The following RFX1 variants were observed in gnomAD, a reference collection of about 807,000 sequenced individuals.
The protein encoded by RFX1 is regulatory factor X1.
In RFX1, 42 loss-of-function variants were observed where a neutral mutation model predicts 119.6. That is an observed-to-expected ratio of 0.35 (90% CI 0.27 to 0.45). RFX1 has a LOEUF of 0.45. RFX1 is among the 20% of genes least tolerant of loss of function. RFX1 has a pLI of 1.00. For missense variants in RFX1, 1,118 were observed against 1,368.1 expected, an observed-to-expected ratio of 0.82 and a Z score of 2.88; for synonymous variants, 628 against 618.5, an observed-to-expected ratio of 1.02 and a Z score of -0.23.
intron 2 of RFX1, among the ~76,000 whole-genome samples, chr19:13,984,337 T>C (rs1002734212): frequency 3.0e-4 from 45 of 151,690 alleles, no homozygotes; most frequent in Non-Finnish European, 6.0e-4. Context: ...CCCACGACCT[T>C]GGGGCGCTAA....
chr19:13,963,354 C>T, intron 18 of RFX1, 79 bp from the exon 19 acceptor site: 3 of 1,501,918 alleles, frequency 2.0e-6, no homozygotes, highest in South Asian at 1.2e-5. Flanking sequence ...GCGATGCGCC[C>T]GGGCCTCGCG....
At chr19:13,999,595 T>A (rs1231777536) in intron 1 of RFX1, among the ~76,000 whole-genome samples, 2 of 152,200 alleles carry the variant, frequency 1.3e-5, no homozygotes, top group African/African-American at 4.8e-5. Context: ...TCCAATAATT[T>A]AAAAATGTAA....
chr19:13,994,893 CATAT>C (rs566150731), intron 1 of RFX1, among the ~76,000 whole-genome samples: 5,031 of 57,818 alleles, frequency 0.087, 196 homozygotes, highest in Non-Finnish European at 0.1. Flanking sequence ...AATATACATA[CATAT>C]ATATATATAT....
chr19:13,979,616 G>A (rs1974366598), intron 6 of RFX1, 74 bp from the exon 7 acceptor site: 4 of 1,057,938 alleles, frequency 3.8e-6, no homozygotes, highest in Admixed American at 2.3e-5. Flanking sequence ...CTGCACAGGT[G>A]AGCTTCTGTA....
Position 13,965,564 on chromosome 19 carries a change from G to A in RFX1, c.2114-18C>T. 1 of 1,613,166 alleles carries A rather than the reference G, an allele frequency of 6.2e-7. No homozygotes were observed. The highest frequency in any genetic ancestry group is 8.5e-7 in the Non-Finnish European group (1 of 1,179,850). The stretch of plus-strand genomic sequence containing the variant: ...CAAGGCACCTGTGGGCGGTGGCGGG[G>A]GTCGGTCAGGGCAGGGCGGGTGTAT... On this transcript the variant is annotated intron_variant, in intron 15 of 20. Coordinates refer to ENST00000254325, the MANE Select transcript of RFX1 (RefSeq NM_002918.5). This position sits in a 1 kb window ranked among gnomAD's most constrained non-coding sequence, Gnocchi z 4.7.
chr19:13,965,161 TCTAAAGGGAA>T lies in RFX1; in HGVS notation c.2211+278_2211+287del, dbSNP rs1973853250. Among the ~76,000 whole-genome samples the T allele has an allele frequency of 6.6e-6, 1 of 152,248 alleles. No homozygotes were observed. Among genetic ancestry groups the T allele is most frequent in the African/African-American group, 2.4e-5 (1 of 41,468 alleles). The stretch of plus-strand genomic sequence containing the variant: ...CCTGAAGCACTTTCTAGCAAGGCTG[TCTAAAGGGAA>T]CTACTGTACATTTGCAGTTGGTTTT... On this transcript the variant is annotated intron_variant, in intron 16 of 20. Coordinates refer to ENST00000254325, the MANE Select transcript of RFX1 (RefSeq NM_002918.5). This position sits in a 1 kb window ranked among gnomAD's most constrained non-coding sequence, Gnocchi z 4.7.
intron 2 of RFX1, among the ~76,000 whole-genome samples, chr19:13,989,640 CG>C (rs1974737669): frequency 6.6e-6 from 1 of 152,026 alleles, no homozygotes. Flanking sequence ...TGTCAGGTAT[CG>C]GGGGAGGGGA....
intron 8 of RFX1, among the ~76,000 whole-genome samples, chr19:13,976,138 G>A (rs1974248190): frequency 6.6e-6 from 1 of 152,218 alleles, no homozygotes; most frequent in Admixed American, 6.5e-5. Context: ...GCACTGGAAA[G>A]AAACAAATGG....
rs529529970 is a variant in RFX1 at position 13,979,850 on chromosome 19, C to A, written c.739-308G>T. Among the ~76,000 whole-genome samples, 6 of 152,260 alleles carry A rather than the reference C, an allele frequency of 3.9e-5. No homozygotes were observed. In the East Asian group the frequency reaches 1.2e-3, roughly 29 times the overall value. On this transcript the variant is annotated intron_variant, in intron 6 of 20. Coordinates refer to ENST00000254325, the MANE Select transcript of RFX1 (RefSeq NM_002918.5). ...CTTGGGTTATCTTTCGTCCCCACAC[C>A]CCCCAATGTCAACTGTGTGCCCTGT...
intron 16 of RFX1, among the ~76,000 whole-genome samples, chr19:13,964,386 C>A (rs1268318839): frequency 6.9e-6 from 1 of 144,248 alleles, no homozygotes; most frequent in African/African-American, 2.8e-5. Flanking sequence ...CCAGGAAAGG[C>A]CTTTTTTTTT....
chr19:13,969,928 T>TGGGG lies in RFX1; in HGVS notation c.1496+62_1496+65dup. ...CTGGACTGCCTGAGATGACTCGGAG[T>TGGGG]GGGGGTGGGCCTTGGCATGCCCACC... On this transcript the variant is annotated intron_variant, in intron 10 of 20. Coordinates refer to ENST00000254325, the MANE Select transcript of RFX1 (RefSeq NM_002918.5). The surrounding 1 kb of genome is among the most constrained non-coding windows in gnomAD (Gnocchi z 4.5). 1 of 1,488,608 alleles carries TGGGG rather than the reference T, an allele frequency of 6.7e-7. No homozygotes were observed. Among genetic ancestry groups the TGGGG allele is most frequent in the Non-Finnish European group, 9.1e-7 (1 of 1,102,178 alleles). 92.2% of individuals were successfully genotyped at this position (1,488,608 alleles called of 1,614,324 possible). A position where few individuals can be genotyped will look rare whatever the true frequency, so the allele number is the denominator to read the frequency against.
chr19:13,979,527 C>T lies in RFX1; in HGVS notation c.754G>A (p.Ala252Thr), dbSNP rs1470587278. 5 of 1,594,910 alleles carry T rather than the reference C, an allele frequency of 3.1e-6. No homozygotes were observed. Among genetic ancestry groups the T allele is most frequent in the African/African-American group, 2.7e-5 (2 of 74,050 alleles). ...CCGGGTTTGGGCGCTTGTGGAGTGGCCTGGACCACAGATCTCTGGGAGGGG... is the reference window on the plus strand; with the variant it reads ...CCGGGTTTGGGCGCTTGTGGAGTGGTCTGGACCACAGATCTCTGGGAGGGG... Reference protein sequence around the residue: ...PVTQERSVVQATPQAPKPGPV... With the variant: ...PVTQERSVVQTTPQAPKPGPV... The change falls in exon 7 of 21, where the codon GCC (alanine) becomes ACC (threonine). Residue 252 changes from alanine to threonine, a missense_variant. Around this residue, in one of 5 missense-constraint regions of RFX1, gnomAD observed 542 missense variants for 602.7 expected, o/e 0.90. Transcript: ENST00000254325.
intron 8 of RFX1, among the ~76,000 whole-genome samples, chr19:13,974,768 G>A (rs1974202744): frequency 1.3e-5 from 2 of 152,184 alleles, no homozygotes; most frequent in South Asian, 2.1e-4. Context: ...CATTAGGCCA[G>A]GTGCAGTGTA....
intron 1 of RFX1, among the ~76,000 whole-genome samples, chr19:14,004,344 C>A (rs1171947697): frequency 6.6e-6 from 1 of 152,200 alleles, no homozygotes; most frequent in Non-Finnish European, 1.5e-5. Context: ...CCCGTCTCTA[C>A]TAAAAATACG....
chr19:13,972,618 C>T (rs935430571), intron 9 of RFX1, 125 bp downstream of exon 9: 4 of 687,596 alleles, frequency 5.8e-6, no homozygotes, highest in Non-Finnish European at 9.6e-6. Flanking sequence ...TGCATATGTT[C>T]TCTTCATTGG....
At chr19:13,987,145 G>A (rs144327608) in intron 2 of RFX1, among the ~76,000 whole-genome samples, 7 of 152,306 alleles carry the variant, frequency 4.6e-5, no homozygotes, top group African/African-American at 9.6e-5. Flanking sequence ...CCCCTCCTTC[G>A]GGGCGGCCCC....
chr19:13,993,589 C>T lies in RFX1; in HGVS notation c.255G>A (p.Ser85=), dbSNP rs756666381. Residue 85 remains serine, a synonymous_variant, in exon 2 of 21, where the codon TCG becomes TCA. Transcript: ENST00000254325. ...VTELPAVPAP[S]QPTGAPTPSP... ...AAGGGGTGGGTGCACCGGTTGGCTG[C>T]GAGGGTGCGGGTACAGCCGGGAGCT... The T allele has an allele frequency of 3.6e-5, 58 of 1,612,218 alleles. No homozygotes were observed. The highest frequency in any genetic ancestry group is 4.8e-5 in the Non-Finnish European group (57 of 1,179,304).
intron 2 of RFX1, among the ~76,000 whole-genome samples, chr19:13,987,341 G>A (rs1974635154): frequency 6.6e-6 from 1 of 152,160 alleles, no homozygotes; most frequent in Non-Finnish European, 1.5e-5. Flanking sequence ...GTCACCTTTA[G>A]GCAGGGCAGG....
In RFX1 at chr19:13,980,736, C is replaced by CCTCTCTGGGGTGGGCTCGCATT; in HGVS notation, c.622-48_622-47insAATGCGAGCCCACCCCAGAGAG. On this transcript the variant is annotated intron_variant, in intron 5 of 20. Coordinates refer to ENST00000254325, the MANE Select transcript of RFX1 (RefSeq NM_002918.5). This position sits in a 1 kb window ranked among gnomAD's most constrained non-coding sequence, Gnocchi z 5.1. ...GAGTGCCGCTGGGGTGGGCTTGCAT[C>CCTCTCTGGGGTGGGCTCGCATT]CTCTCTGAGGTGGGCTCACACACAC... The CCTCTCTGGGGTGGGCTCGCATT allele has an allele frequency of 2.1e-6, 3 of 1,411,464 alleles. No individual in the cohort carries two copies. The highest frequency in any genetic ancestry group is 1.2e-5 in the South Asian group (1 of 82,540). 87.4% of individuals were successfully genotyped at this position (1,411,464 alleles called of 1,614,324 possible).
Sources: allele counts gnomAD v4.1 joint callset (sites outside exome capture counted in the v4.1 genomes callset), GRCh38; gene constraint gnomAD v4.1.1; regional missense constraint gnomAD v4.1.1; non-coding constraint Gnocchi (gnomAD v3.1); transcripts MANE v1.5; gene names NCBI Gene and HGNC (gene_info 2026-07-23, HGNC 2026-07-21).